Variants in HDAC7 observed in about 807,000 individuals in gnomAD.
HDAC7 encodes the protein histone deacetylase 7A.
A neutral mutation model predicts 115.5 loss-of-function variants in HDAC7; 26 were observed. The observed-to-expected ratio is 0.23, with a 90% CI of 0.16 to 0.31. HDAC7 has a LOEUF of 0.31. Ranked by LOEUF, HDAC7 falls within the 10% of genes least tolerant of loss-of-function variation. The pLI, the probability that HDAC7 is intolerant of heterozygous loss-of-function variation, is 1.00. For synonymous variants in HDAC7, 564 were observed against 550.9 expected (o/e 1.02, Z -0.33); for missense variants, 1,068 against 1,329.0 (o/e 0.80, Z 3.05).
At chr12:47,784,762 G>A in intron 24 of HDAC7, 1 of 1,535,566 alleles carries the variant, frequency 6.5e-7, no homozygotes, top group African/African-American at 1.4e-5. Flanking sequence ...CTGCTGTGAG[G>A]AACCATGTCC....
upstream of HDAC7, among the ~76,000 whole-genome samples, chr12:47,820,780 C>A (rs1210710985): frequency 6.6e-6 from 1 of 151,732 alleles, no homozygotes; most frequent in African/African-American, 2.4e-5. This position sits in a 1 kb window ranked among gnomAD's most constrained non-coding sequence, Gnocchi z 4.3. Flanking sequence ...GCCCAGTGTC[C>A]CCCAGTGCAT....
At chr12:47,819,064 C>T (rs1300122529) in intron 1 of HDAC7, 1 of 152,604 alleles carries the variant, frequency 6.6e-6, no homozygotes, top group Non-Finnish European at 1.5e-5. Context: ...ACCCCTCACA[C>T]AGCCTGCGGC....
Position 47,792,111 on chromosome 12 carries a change from G to A in HDAC7, c.1679-107C>T, listed in dbSNP as rs952256150. ...CCACAGCAGGCACCCACATGGAGCCGGGCGGGTACACACCCCTCACACCCA... is the reference window on the plus strand; with the variant it reads ...CCACAGCAGGCACCCACATGGAGCCAGGCGGGTACACACCCCTCACACCCA... On this transcript the variant is annotated intron_variant, in intron 13 of 25. Transcript: ENST00000080059. The A allele has an allele frequency of 4.9e-4, 658 of 1,350,920 alleles. 5 individuals carry two copies. Among genetic ancestry groups the A allele is most frequent in the Admixed American group, 4.2e-3 (168 of 39,744 alleles). 83.7% of individuals were successfully genotyped at this position (1,350,920 alleles called of 1,614,324 possible).
At position 47,797,957 on chromosome 12, in the gene HDAC7, A is replaced by AG. The variant is rs1247329590; in HGVS notation, c.461+150dup. On this transcript the variant is annotated intron_variant, in intron 5 of 25. Transcript: ENST00000080059. This position sits in a 1 kb window ranked among gnomAD's most constrained non-coding sequence, Gnocchi z 5.5. ...GAGGAGGGCAGGTATCAGTTGAGAG[A>AG]GGGGCTCGGGGGCATTATGTTTAGA... The AG allele has an allele frequency of 1.5e-6, 1 of 656,782 alleles. No individual in the cohort carries two copies. Among genetic ancestry groups the AG allele is most frequent in the Non-Finnish European group, 2.7e-6 (1 of 367,744 alleles). 40.7% of individuals were successfully genotyped at this position (656,782 alleles called of 1,614,324 possible). A position where few individuals can be genotyped will look rare whatever the true frequency, so the allele number is the denominator to read the frequency against.
At chr12:47,810,285 T>A (rs970290481) in intron 1 of HDAC7, among the ~76,000 whole-genome samples, 3 of 152,208 alleles carry the variant, frequency 2.0e-5, no homozygotes, top group African/African-American at 7.2e-5. Flanking sequence ...ATGAGGAAAC[T>A]AAGGCTAAGA....
In HDAC7 at chr12:47,797,732, G is replaced by C. The variant is rs1332614338; in HGVS notation, c.462-233C>G. Among the ~76,000 whole-genome samples the C allele has an allele frequency of 6.6e-6, 1 of 152,196 alleles. No homozygotes were observed. The highest frequency in any genetic ancestry group is 6.5e-5 in the Admixed American group (1 of 15,282). ...TAGAAGCCAGGTGCTTGGTGCGTGG[G>C]TGAAGAGCCCACTGGGGGCTCTGTC... On this transcript the variant is annotated intron_variant, in intron 5 of 25. Coordinates refer to ENST00000080059, the MANE Select transcript of HDAC7 (RefSeq NM_015401.5). The surrounding 1 kb of genome is among the most constrained non-coding windows in gnomAD (Gnocchi z 5.5).
At chr12:47,788,006 T>C (rs754040679) in intron 20 of HDAC7, 39 bp downstream of exon 20, 13 of 1,595,334 alleles carry the variant, frequency 8.1e-6, no homozygotes, top group Non-Finnish European at 1.1e-5. Context: ...CAGGAGGAGG[T>C]CAATGAGGCT....
chr12:47,817,291 C>T (rs1182088767), intron 1 of HDAC7, among the ~76,000 whole-genome samples: 1 of 152,180 alleles, frequency 6.6e-6, no homozygotes, highest in East Asian at 1.9e-4. Flanking sequence ...GAAACTCTGC[C>T]CCTCCGTGGT....
chr12:47,792,172 C>T lies in HDAC7; in HGVS notation c.1679-168G>A, dbSNP rs558389200. 3.1e-4 allele frequency: 225 copies of T among 728,436 alleles called. No homozygotes were observed. The African/African-American group carries it at 3.7e-3, about 12-fold the overall frequency. The allele number at this position is 728,436 out of a possible 1,614,324, so 45.1% of individuals were successfully genotyped here. On this transcript the variant is annotated intron_variant, in intron 13 of 25. Transcript: ENST00000080059. ...CATTTCATCCTGCCCCTACCCCAGC[C>T]CCAGCCCCTCACACCTGTCCACACA...
chr12:47,785,769 C>T lies in HDAC7; in HGVS notation c.2689G>A (p.Ala897Thr). Residue 897 changes from alanine (A) to threonine (T), a missense_variant, in exon 23 of 26, where the codon GCT becomes ACT. Coordinates refer to ENST00000080059, the MANE Select transcript of HDAC7 (RefSeq NM_015401.5). ...ICDASEACVA[A>T]LLGNRVDPLS... ...CGGCTCACCCTGTTACCCAGAAGAG[C>T]AGCCACACAGGCCTCAGAGGCGTCA... 1 of 1,607,570 alleles carries T rather than the reference C, an allele frequency of 6.2e-7. No individual in the cohort carries two copies. The highest frequency in any genetic ancestry group is 8.5e-7 in the Non-Finnish European group (1 of 1,177,178).
intron 23 of HDAC7, 137 bp downstream of exon 23, chr12:47,785,615 G>T (rs1317255301): frequency 2.2e-6 from 3 of 1,371,148 alleles, no homozygotes; most frequent in Non-Finnish European, 2.0e-6. Context: ...TGGAACAGAG[G>T]CTTCCGCTTC....
chr12:47,798,243 G>A lies in HDAC7; in HGVS notation c.350-24C>T. The A allele has an allele frequency of 3.8e-6, 6 of 1,576,320 alleles. No homozygotes were observed. The highest frequency in any genetic ancestry group is 1.1e-5 in the South Asian group (1 of 90,364). On this transcript the variant is annotated intron_variant, in intron 4 of 25. Coordinates refer to ENST00000080059, the MANE Select transcript of HDAC7 (RefSeq NM_015401.5). The surrounding 1 kb of genome is among the most constrained non-coding windows in gnomAD (Gnocchi z 4.3). ...ACCTGTAGGGGCAGAGTCAGGAGGG[G>A]GCTGGAGGTGGGTGGACAGGCGGCC...
At chr12:47,805,633 A>G (rs960589392) in intron 1 of HDAC7, among the ~76,000 whole-genome samples, 2 of 152,230 alleles carry the variant, frequency 1.3e-5, no homozygotes, top group Non-Finnish European at 2.9e-5. Flanking sequence ...GAGAAAGAAC[A>G]CTGTGGTTGC....
At chr12:47,811,136 T>C (rs1420314663) in intron 1 of HDAC7, among the ~76,000 whole-genome samples, 1 of 152,102 alleles carries the variant, frequency 6.6e-6, no homozygotes, top group Non-Finnish European at 1.5e-5. Context: ...ACATTAACAT[T>C]AATGACAGTA....
In HDAC7 at chr12:47,817,131, C is replaced by T. The variant is rs562479189; in HGVS notation, c.19+2636G>A. On this transcript the variant is annotated intron_variant, in intron 1 of 25. Transcript: ENST00000080059. ...AAATATTACAAGGAAACACAATACC[C>T]GGCAGGGTCACCTGCTGACCGGGCT... 8.3e-4 allele frequency among the ~76,000 whole-genome samples: 127 copies of T among 152,332 alleles called. 1 individual carries two copies. The highest frequency in any genetic ancestry group is 3.1e-3 in the African/African-American group (127 of 41,582).
Position 47,803,630 on chromosome 12 carries a change from C to T in HDAC7, c.20-1356G>A, listed in dbSNP as rs977943729. On this transcript the variant is annotated intron_variant, in intron 1 of 25. Coordinates refer to ENST00000080059, the MANE Select transcript of HDAC7 (RefSeq NM_015401.5). This position sits in a 1 kb window ranked among gnomAD's most constrained non-coding sequence, Gnocchi z 4.0. Reference sequence around the variant, plus strand: ...ACAGCACTCGCTCTGTGTCTACCACCTTGACACTTCATTCATCATGATCTC... The same window carrying T: ...ACAGCACTCGCTCTGTGTCTACCACTTTGACACTTCATTCATCATGATCTC... 6.6e-6 allele frequency among the ~76,000 whole-genome samples: 1 copy of T among 152,214 alleles called. No individual in the cohort carries two copies. Among genetic ancestry groups the T allele is most frequent in the African/African-American group, 2.4e-5 (1 of 41,438 alleles).
In HDAC7 at chr12:47,788,091, C is replaced by A; in HGVS notation, c.2309G>T (p.Arg770Leu). 1 of 1,613,492 alleles carries A rather than the reference C, an allele frequency of 6.2e-7. No homozygotes were observed. Among genetic ancestry groups the A allele is most frequent in the Non-Finnish European group, 8.5e-7 (1 of 1,179,676 alleles). Reference protein sequence around the residue: ...DPSVLYISLHRHDDGNFFPGS... With the variant: ...DPSVLYISLHLHDDGNFFPGS... The stretch of plus-strand genomic sequence containing the variant: ...CGGGAAGAAGTTGCCGTCGTCATGG[C>A]GATGCAGGGAGATGTAGAGCACACT... The change falls in exon 20 of 26, where the codon CGC becomes CTC. Residue 770 changes from arginine (R) to leucine (L), a missense_variant. Physicochemically the swap from Arg to Leu is moderately radical, Grantham distance 102. Around this residue, in one of 6 missense-constraint regions of HDAC7, gnomAD observed 182 missense variants for 301.1 expected, o/e 0.60. Coordinates refer to ENST00000080059, the MANE Select transcript of HDAC7 (RefSeq NM_015401.5).
At position 47,793,672 on chromosome 12, in the gene HDAC7, G is replaced by GAC; in HGVS notation, c.1459-85_1459-84insGT. On this transcript the variant is annotated intron_variant, in intron 12 of 25. Coordinates refer to ENST00000080059, the MANE Select transcript of HDAC7 (RefSeq NM_015401.5). This position sits in a 1 kb window ranked among gnomAD's most constrained non-coding sequence, Gnocchi z 4.5. ...TGCCTGAGGTCTTGGGAACTGCCAA[G>GAC]CAGGCCCCTTTCCTAGAGAGATTCC... The GAC allele has an allele frequency of 1.9e-6, 2 of 1,055,636 alleles. No individual in the cohort carries two copies. The highest frequency in any genetic ancestry group is 2.7e-6 in the Non-Finnish European group (2 of 746,654). 65.4% of individuals were successfully genotyped at this position (1,055,636 alleles called of 1,614,324 possible). A position where few individuals can be genotyped will look rare whatever the true frequency, so the allele number is the denominator to read the frequency against.
chr12:47,790,847 T>C, intron 16 of HDAC7: 1 of 248,174 alleles, frequency 4.0e-6, no homozygotes, highest in South Asian at 5.2e-5. Flanking sequence ...CACCGTGATG[T>C]CACACCAGGC....
Sources: gnomAD v4.1 joint callset for allele counts (sites outside exome capture counted in the v4.1 genomes callset) on GRCh38, gnomAD v4.1.1 for gene constraint, gnomAD v4.1.1 regional missense constraint, Gnocchi (gnomAD v3.1) non-coding constraint, MANE v1.5 for transcripts, NCBI Gene and HGNC (gene_info 2026-07-23, HGNC 2026-07-21) for gene names.